The following UGT8 variants were observed in gnomAD, a reference collection of about 807,000 sequenced individuals.
UGT8 encodes the protein 2-hydroxyacylsphingosine 1-beta-galactosyltransferase.
Under a neutral mutation model 40.5 loss-of-function variants are expected in UGT8, and 12 were observed. That is an observed-to-expected ratio of 0.30 (90% CI 0.19 to 0.48). UGT8 has a LOEUF of 0.48. Ranked by LOEUF, UGT8 falls within the 20% of genes least tolerant of loss-of-function variation. The pLI, the probability that UGT8 is intolerant of heterozygous loss-of-function variation, is 0.99. For missense variants in UGT8, 513 were observed against 648.7 expected (o/e 0.79, Z 2.27); for synonymous variants, 224 against 240.4 (o/e 0.93, Z 0.63).
chr4:114,612,183 T>A (rs1731134036), intron 1 of UGT8, among the ~76,000 whole-genome samples: 1 of 152,174 alleles, frequency 6.6e-6, no homozygotes, highest in Non-Finnish European at 1.5e-5. Context: ...ACAAATATTC[T>A]TAGTTCAGAT....
At chr4:114,608,594 C>T (rs1409674709) in intron 1 of UGT8, among the ~76,000 whole-genome samples, 1 of 151,328 alleles carries the variant, frequency 6.6e-6, no homozygotes, top group East Asian at 1.9e-4. Context: ...TATTTAGTCA[C>T]AATGGAAAAA....
At chr4:114,645,432 C>G (rs1026446498) in intron 2 of UGT8, among the ~76,000 whole-genome samples, 10 of 152,236 alleles carry the variant, frequency 6.6e-5, no homozygotes, top group South Asian at 2.1e-4. Flanking sequence ...ATATCAAGCT[C>G]AGGTCTTTTT....
chr4:114,665,745 A>G lies in UGT8; in HGVS notation c.1031A>G (p.Asn344Ser), dbSNP rs1734823422. The G allele has an allele frequency of 6.2e-7, 1 of 1,609,296 alleles. No homozygotes were observed. The highest frequency in any genetic ancestry group is 8.5e-7 in the Non-Finnish European group (1 of 1,178,176). The change falls in exon 4 of 6, where the codon AAT (asparagine) becomes AGT (serine). Residue 344 changes from asparagine (N) to serine (S), a missense_variant. Asn to Ser is a conservative substitution (Grantham distance 46). This residue lies in a region of UGT8 where 335 missense variants were observed against 444.8 expected (regional missense o/e 0.75). Coordinates refer to ENST00000310836, the MANE Select transcript of UGT8 (RefSeq NM_001128174.3). Reference sequence around the variant, plus strand: ...AAACTCATAGAATGGTTACCACAAAATGACCTGCTTGGTAAGTCAATGATG... The same window carrying G: ...AAACTCATAGAATGGTTACCACAAAGTGACCTGCTTGGTAAGTCAATGATG... ...NTKLIEWLPQNDLLGHSKIKA... is the reference protein window; with the variant it reads ...NTKLIEWLPQSDLLGHSKIKA...
chr4:114,638,487 C>G (rs908918098), intron 2 of UGT8, among the ~76,000 whole-genome samples: 1 of 152,200 alleles, frequency 6.6e-6, no homozygotes, highest in African/African-American at 2.4e-5. Flanking sequence ...AGCTCATTAA[C>G]AGACGAGGCA....
chr4:114,668,341 C>A, intron 5 of UGT8, 37 bp downstream of exon 5: 1 of 1,553,966 alleles, frequency 6.4e-7, no homozygotes, highest in Non-Finnish European at 8.9e-7. Context: ...GATGAACTTA[C>A]ATACCACAGT....
chr4:114,671,817 T>C (rs867647119), intron 5 of UGT8, among the ~76,000 whole-genome samples: 6 of 152,116 alleles, frequency 3.9e-5, no homozygotes, highest in African/African-American at 1.2e-4. Context: ...AAAGCCAAAA[T>C]TGACAAATGG....
At chr4:114,674,530 GCCTGTCT>G (rs1026944347) in intron 5 of UGT8, among the ~76,000 whole-genome samples, 5 of 152,048 alleles carry the variant, frequency 3.3e-5, no homozygotes, top group Non-Finnish European at 1.5e-5. Context: ...TGCTTTAACA[GCCTGTCT>G]CCCTGATATA....
chr4:114,655,162 C>G (rs1456306409), intron 2 of UGT8, among the ~76,000 whole-genome samples: 1 of 150,870 alleles, frequency 6.6e-6, no homozygotes, highest in Non-Finnish European at 1.5e-5. Flanking sequence ...AATCGATTAT[C>G]TAGATTTTTC....
chr4:114,643,770 AT>A (rs574429107), intron 2 of UGT8, among the ~76,000 whole-genome samples: 120 of 147,442 alleles, frequency 8.1e-4, no homozygotes, highest in East Asian at 7.9e-3. Context: ...TAACATAGGC[AT>A]TTTTTTTTTT....
intron 2 of UGT8, among the ~76,000 whole-genome samples, chr4:114,637,369 G>A (rs934099866): frequency 6.6e-6 from 1 of 152,172 alleles, no homozygotes; most frequent in African/African-American, 2.4e-5. Flanking sequence ...TGTTTAGACT[G>A]TACATATTTT....
intron 2 of UGT8, among the ~76,000 whole-genome samples, chr4:114,644,675 C>G (rs1016975361): frequency 6.6e-6 from 1 of 152,102 alleles, no homozygotes; most frequent in African/African-American, 2.4e-5. Context: ...TGATCTATGC[C>G]TTTCAAGCCT....
chr4:114,638,045 A>G (rs1009541058), intron 2 of UGT8, among the ~76,000 whole-genome samples: 2 of 152,202 alleles, frequency 1.3e-5, no homozygotes, highest in African/African-American at 4.8e-5. Context: ...CATAGAATAC[A>G]TATATGATAT....
chr4:114,674,050 C>A (rs1560713769), intron 5 of UGT8, among the ~76,000 whole-genome samples: 1 of 152,148 alleles, frequency 6.6e-6, no homozygotes, highest in Admixed American at 6.5e-5. Context: ...CTGTTCACTG[C>A]CTCTCAATTT....
At chr4:114,615,731 GA>G (rs1399890922) in intron 1 of UGT8, among the ~76,000 whole-genome samples, 1 of 152,162 alleles carries the variant, frequency 6.6e-6, no homozygotes, top group African/African-American at 2.4e-5. Context: ...GCATACATTA[GA>G]AATTGCACAT....
rs185458480 is a variant in UGT8, at chr4:114,661,718, C to T, written c.823-2277C>T. On this transcript the variant is annotated intron_variant, in intron 2 of 5. Transcript: ENST00000310836. Reference sequence around the variant, plus strand: ...GCTCACTGTCTCTGCTCCAGCCTTTCATCTCTAACTCAGGAAATAGGAGTT... The same window carrying T: ...GCTCACTGTCTCTGCTCCAGCCTTTTATCTCTAACTCAGGAAATAGGAGTT... 2.9e-3 allele frequency among the ~76,000 whole-genome samples: 439 copies of T among 152,334 alleles called. 1 individual carries two copies. The highest frequency in any genetic ancestry group is 9.8e-3 in the African/African-American group (407 of 41,578).
intron 2 of UGT8, among the ~76,000 whole-genome samples, chr4:114,654,998 T>C (rs537960614): frequency 3.9e-5 from 6 of 152,106 alleles, no homozygotes; most frequent in Non-Finnish European, 8.8e-5. Flanking sequence ...TGATAACTTA[T>C]ATTTCCCTAC....
chr4:114,658,378 G>T (rs1234302568), intron 2 of UGT8, among the ~76,000 whole-genome samples: 2 of 152,212 alleles, frequency 1.3e-5, no homozygotes, highest in African/African-American at 2.4e-5. Context: ...AAAGGATGCA[G>T]TGTTATAGGT....
chr4:114,651,089 C>G (rs558933933), intron 2 of UGT8, among the ~76,000 whole-genome samples: 1 of 152,192 alleles, frequency 6.6e-6, no homozygotes, highest in East Asian at 1.9e-4. Context: ...CTCCAATTGC[C>G]TAATCTTAGA....
Position 114,637,981 on chromosome 4 carries a change from T to G in UGT8, c.822+14279T>G, listed in dbSNP as rs7699381. On this transcript the variant is annotated intron_variant, in intron 2 of 5. Coordinates refer to ENST00000310836, the MANE Select transcript of UGT8 (RefSeq NM_001128174.3). ...AATACGTAACCTCATACTTGTTTTC[T>G]ACCAGATTAATATATTTTAAACCTC... Among the ~76,000 whole-genome samples, 1,101 of 152,350 alleles carry G rather than the reference T, an allele frequency of 7.2e-3. 16 individuals carry two copies. Among genetic ancestry groups the G allele is most frequent in the African/African-American group, 0.025 (1,020 of 41,578 alleles).
Sources: gnomAD v4.1 joint callset for allele counts (sites outside exome capture counted in the v4.1 genomes callset) on GRCh38, gnomAD v4.1.1 for gene constraint, gnomAD v4.1.1 regional missense constraint, MANE v1.5 for transcripts, NCBI Gene and HGNC (gene_info 2026-07-23, HGNC 2026-07-21) for gene names.